CNGB1: variants seen among roughly 807,000 people sequenced by gnomAD.
CNGB1 encodes cyclic nucleotide-gated channel beta-1.
A neutral mutation model predicts 151.7 loss-of-function variants in CNGB1; 126 were observed. The ratio of observed to expected loss-of-function variants is 0.83; its 90% CI spans 0.72 to 0.96. The LOEUF is 0.96. Among genes scored for constraint, CNGB1 ranks in the 40% least tolerant of loss-of-function variants. CNGB1 has a pLI of 0.00. For missense variants in CNGB1, 1,698 were observed against 1,627.0 expected, an observed-to-expected ratio of 1.04 and a Z score of -0.75; for synonymous variants, 623 against 635.1, an observed-to-expected ratio of 0.98 and a Z score of 0.29.
intron 15 of CNGB1, 23 bp from the exon 16 acceptor site, chr16:57,939,615 A>C: frequency 6.2e-7 from 1 of 1,614,162 alleles, no homozygotes; most frequent in Non-Finnish European, 8.5e-7. Context: ...AAGTGAAAAC[A>C]GAAACTGTGA....
rs1420628245 is a variant in CNGB1, at chr16:57,963,040, C to T, written c.315G>A (p.Trp105Ter). 1 of 1,613,258 alleles carries T rather than the reference C, an allele frequency of 6.2e-7. No homozygotes were observed. Among genetic ancestry groups the T allele is most frequent in the Non-Finnish European group, 8.5e-7 (1 of 1,179,964 alleles). The change falls in exon 5 of 33, where the codon TGG becomes TGA. Residue 105 changes from tryptophan (W) to a stop codon, truncating the protein, a stop_gained. Coordinates refer to ENST00000251102, the MANE Select transcript of CNGB1 (RefSeq NM_001297.5). LOFTEE classifies it high-confidence loss of function. ...TCACCTTCTCTACGCCCTTCATGAG[C>T]CAGGTCAGTACCCTGCGGCTGGGAC... ...MNSPSRRVLT[W>*]LMKGVEKVIP...
chr16:57,930,014 A>G (rs2149371112), intron 17 of CNGB1, among the ~76,000 whole-genome samples: 2 of 152,352 alleles, frequency 1.3e-5, no homozygotes, highest in Middle Eastern at 3.4e-3. Context: ...ACTGTGGAAA[A>G]CAGAATGGTG....
At chr16:57,931,098 T>A (rs1216757324) in intron 17 of CNGB1, among the ~76,000 whole-genome samples, 2 of 151,856 alleles carry the variant, frequency 1.3e-5, no homozygotes, top group Non-Finnish European at 2.9e-5. Context: ...GAGGTAGAAA[T>A]TAATTCTGTA....
At chr16:57,905,223 G>A (rs892074563) in intron 25 of CNGB1, among the ~76,000 whole-genome samples, 4 of 152,316 alleles carry the variant, frequency 2.6e-5, no homozygotes, top group East Asian at 1.9e-4. Flanking sequence ...TTCCTTCAGT[G>A]TTCCTTCAAT....
Position 57,903,987 on chromosome 16 carries a change from G to C in CNGB1, c.2635-6C>G, listed in dbSNP as rs562454960. 1 of 1,613,450 alleles carries C rather than the reference G, an allele frequency of 6.2e-7. No homozygotes were observed. The highest frequency in any genetic ancestry group is 2.2e-5 in the East Asian group (1 of 44,864). On this transcript the variant is annotated splice_polypyrimidine_tract_variant and splice_region_variant and intron_variant, in intron 26 of 32. Transcript: ENST00000251102. ...GCCCCTACCACATCTCTCATCTGGG[G>C]GAAGGGTTATGGGAGGTCAAGGAAG...
At chr16:57,892,973 C>G (rs1960135080) in intron 31 of CNGB1, among the ~76,000 whole-genome samples, 1 of 152,160 alleles carries the variant, frequency 6.6e-6, no homozygotes, top group Non-Finnish European at 1.5e-5. Context: ...TTTCCATTGC[C>G]GGTTCCCTGA....
intron 15 of CNGB1, 109 bp downstream of exon 15, chr16:57,940,125 G>T: frequency 9.4e-7 from 1 of 1,060,136 alleles, no homozygotes; most frequent in Middle Eastern, 2.0e-4. Context: ...TGTCCTGCGG[G>T]CATCTTACCA....
At chr16:57,967,714 T>C (rs1409931752) in intron 1 of CNGB1, among the ~76,000 whole-genome samples, 1 of 151,966 alleles carries the variant, frequency 6.6e-6, no homozygotes. Flanking sequence ...ATAATATATA[T>C]ACACATACAT....
At chr16:57,948,260 C>G (rs1203659179) in intron 14 of CNGB1, among the ~76,000 whole-genome samples, 1 of 152,008 alleles carries the variant, frequency 6.6e-6, no homozygotes, top group Admixed American at 6.5e-5. Flanking sequence ...TTTGGGAAAA[C>G]AAGTTCAAGG....
At chr16:57,908,292 G>C (rs1960611411) in intron 25 of CNGB1, among the ~76,000 whole-genome samples, 1 of 152,242 alleles carries the variant, frequency 6.6e-6, no homozygotes, top group African/African-American at 2.4e-5. Flanking sequence ...TCTATACTGG[G>C]AGGGGACGTT....
chr16:57,924,385 A>G (rs1273565398), intron 17 of CNGB1, among the ~76,000 whole-genome samples: 1 of 152,178 alleles, frequency 6.6e-6, no homozygotes, highest in Non-Finnish European at 1.5e-5. Context: ...GTAGAAACAC[A>G]AAGATTGTGT....
intron 12 of CNGB1, chr16:57,954,975 C>T (rs1315128099): frequency 1.0e-5 from 11 of 1,104,290 alleles, no homozygotes; most frequent in African/African-American, 8.1e-5. Flanking sequence ...TCTCGAACTT[C>T]GGGGCTCAAG....
Position 57,904,776 on chromosome 16 carries a change from A to G in CNGB1, c.2592T>C (p.Asn864=). The G allele has an allele frequency of 6.2e-7, 1 of 1,614,192 alleles. No homozygotes were observed. The highest frequency in any genetic ancestry group is 8.5e-7 in the Non-Finnish European group (1 of 1,180,042). ...TLFEIVFQLL[N]YFTGVFAFSV... is the part of the protein sequence containing the mutation. ...AGAAAGCAAAGACGCCCGTGAAATA[A>G]TTCAGCAGCTGGAAGACAATTTCAA... Residue 864 remains asparagine, a synonymous_variant, in exon 26 of 33, where the codon AAT becomes AAC. Transcript: ENST00000251102.
intron 14 of CNGB1, among the ~76,000 whole-genome samples, chr16:57,948,279 C>G (rs1961857238): frequency 6.6e-6 from 1 of 151,804 alleles, no homozygotes; most frequent in Admixed American, 6.6e-5. Context: ...GGCTTTACAA[C>G]CTGCTTTTGA....
intron 2 of CNGB1, among the ~76,000 whole-genome samples, chr16:57,965,484 T>C (rs879517181): frequency 6.6e-6 from 1 of 151,976 alleles, no homozygotes; most frequent in Non-Finnish European, 1.5e-5. Flanking sequence ...GAAATATGAG[T>C]ATACACACAT....
intron 31 of CNGB1, 67 bp downstream of exon 31, chr16:57,897,330 T>C (rs1435055431): frequency 4.1e-6 from 6 of 1,447,854 alleles, no homozygotes. Flanking sequence ...ATAAAGGTAC[T>C]GTGGTTATGT....
At chr16:57,964,095 G>T (rs1276676078) in intron 4 of CNGB1, 35 bp downstream of exon 4, 1 of 1,605,600 alleles carries the variant, frequency 6.2e-7, no homozygotes, top group African/African-American at 1.3e-5. Flanking sequence ...TGGGAGGCGG[G>T]CTGGCCCTGA....
chr16:57,969,553 G>A, intron 1 of CNGB1, among the ~76,000 whole-genome samples: 1 of 152,150 alleles, frequency 6.6e-6, no homozygotes, highest in Non-Finnish European at 1.5e-5. Flanking sequence ...AAAAGGTGGA[G>A]ATTGCACTCA....
chr16:57,906,371 C>G (rs1960551297), intron 25 of CNGB1, among the ~76,000 whole-genome samples: 2 of 152,228 alleles, frequency 1.3e-5, no homozygotes, highest in Admixed American at 1.3e-4. Context: ...CTGTTGCCTG[C>G]CCTGGGGAAC....
Sources: allele counts gnomAD v4.1 joint callset (sites outside exome capture counted in the v4.1 genomes callset), GRCh38; gene constraint gnomAD v4.1.1; transcripts MANE v1.5; gene names NCBI Gene and HGNC (gene_info 2026-07-23, HGNC 2026-07-21).